SPTBN4: variants seen among roughly 807,000 people sequenced by gnomAD.
SPTBN4 encodes the protein spectrin beta chain, non-erythrocytic 4.
Under a neutral mutation model 277.8 loss-of-function variants are expected in SPTBN4, and 96 were observed. The ratio of observed to expected loss-of-function variants is 0.35; its 90% CI spans 0.29 to 0.41. The LOEUF (loss-of-function observed/expected upper bound fraction) is 0.41. SPTBN4 is among the 10% of genes least tolerant of loss of function. SPTBN4 has a pLI of 1.00. For synonymous variants in SPTBN4, 1,481 were observed against 1,580.3 expected (o/e 0.94, Z 1.49); for missense variants, 3,006 against 3,595.7 (o/e 0.84, Z 4.19).
At position 40,519,461 on chromosome 19, in the gene SPTBN4, G is replaced by A. The variant is rs138287742; in HGVS notation, c.2964G>A (p.Leu988=). ...QRKEEMSAVL[L]VENHVLEVAE... ...AAGAGGAAATGAGCGCGGTGCTGCT[G>A]GTGGAGAACCACGTGCTGGAGGTGG... is the stretch of plus-strand genomic sequence containing the variant. The change falls in exon 16 of 36, where the codon CTG becomes CTA. Residue 988 remains leucine, a synonymous_variant. Coordinates refer to ENST00000598249, the MANE Select transcript of SPTBN4 (RefSeq NM_020971.3). This position sits in a 1 kb window ranked among gnomAD's most constrained non-coding sequence, Gnocchi z 5.7. 436 of 1,607,366 alleles carry A rather than the reference G, an allele frequency of 2.7e-4. 1 individual carries two copies. The African/African-American group carries it at 4.7e-3, about 17-fold the overall frequency.
In SPTBN4 at chr19:40,506,368, C is replaced by T. The variant is rs148286750; in HGVS notation, c.1798C>T (p.Arg600Cys). 5.8e-5 allele frequency: 93 copies of T among 1,612,380 alleles called. No individual in the cohort carries two copies. The African/African-American group carries it at 7.3e-4, about 13-fold the overall frequency. Residue 600 changes from arginine to cysteine, a missense_variant, in exon 13 of 36, where the codon CGC becomes TGC. Physicochemically the swap from Arg to Cys is radical, Grantham distance 180. Transcript: ENST00000598249. Reference sequence around the variant, plus strand: ...GGAGGCTCTCAATGCCGCTGCCCTGCGCTTCTCCCAGCTGCAGGGTGAGTC... The same window carrying T: ...GGAGGCTCTCAATGCCGCTGCCCTGTGCTTCTCCCAGCTGCAGGGTGAGTC... ...RVEALNAAAL[R>C]FSQLQGYQPC...
intron 18 of SPTBN4, chr19:40,530,439 C>T (rs2080651822): frequency 2.1e-6 from 2 of 933,808 alleles, no homozygotes; most frequent in Non-Finnish European, 1.3e-6. Flanking sequence ...CGCACGCGGG[C>T]GGGCGCGCGG....
chr19:40,529,061 G>T lies in SPTBN4; in HGVS notation c.3878G>T (p.Arg1293Leu), dbSNP rs201825384. 6.2e-7 allele frequency: 1 copy of T among 1,614,010 alleles called. No individual in the cohort carries two copies. Among genetic ancestry groups the T allele is most frequent in the South Asian group, 1.1e-5 (1 of 91,076 alleles). ...CCCAGGAACCAAGAAAACCAGTTAC[G>T]GGCCCAGCAATGGATGCAAAAGCTA... The part of the protein sequence containing the change: ...LLEKNQENQL[R>L]AQQWMQKLHD... Residue 1293 changes from arginine (R) to leucine (L), a missense_variant, in exon 18 of 36, where the codon CGG (arginine) becomes CTG (leucine). Arg to Leu is a moderately radical substitution (Grantham distance 102, BLOSUM62 -2). Around this residue, in one of 5 missense-constraint regions of SPTBN4, gnomAD observed 1,759 missense variants for 2,061.5 expected, o/e 0.85. Coordinates refer to ENST00000598249, the MANE Select transcript of SPTBN4 (RefSeq NM_020971.3).
intron 20 of SPTBN4, among the ~76,000 whole-genome samples, chr19:40,540,497 C>A (rs1262788558): frequency 6.6e-6 from 1 of 151,954 alleles, no homozygotes; most frequent in Non-Finnish European, 1.5e-5. Context: ...CTGCCTTAGC[C>A]CCTCAAAGTG....
At chr19:40,517,776 C>T (rs1158021336) in intron 15 of SPTBN4, among the ~76,000 whole-genome samples, 1 of 152,146 alleles carries the variant, frequency 6.6e-6, no homozygotes, top group Non-Finnish European at 1.5e-5. Context: ...GTTACACACT[C>T]AATGAAGTGG....
At chr19:40,484,699 G>A (rs1006558088) in intron 2 of SPTBN4, among the ~76,000 whole-genome samples, 8 of 151,958 alleles carry the variant, frequency 5.3e-5, no homozygotes, top group Admixed American at 2.6e-4. Flanking sequence ...AGGCCAAGGG[G>A]GGTGGATCAC....
At position 40,523,445 on chromosome 19, in the gene SPTBN4, G is replaced by A. The variant is rs372289365; in HGVS notation, c.3663G>A (p.Ala1221=). 120 of 1,604,424 alleles carry A rather than the reference G, an allele frequency of 7.5e-5. 3 individuals are homozygous for A. In the East Asian group the frequency reaches 9.2e-4, roughly 12 times the overall value. Residue 1221 remains alanine (A), a synonymous_variant, in exon 17 of 36, where the codon GCG becomes GCA. Coordinates refer to ENST00000598249, the MANE Select transcript of SPTBN4 (RefSeq NM_020971.3). ...CGCTCCCTCCTCCCCAGGAGATGGC[G>A]CTGTCTGGTGCGGAGCTCCCGGGCA... The part of the protein sequence containing the change: ...ALVVLRNQEM[A]LSGAELPGTV...
In SPTBN4 at chr19:40,560,371, C is replaced by T. The variant is rs1382402782; in HGVS notation, c.5883C>T (p.Ile1961=). 5.6e-6 allele frequency: 9 copies of T among 1,613,888 alleles called. No homozygotes were observed. In the African/African-American group the frequency reaches 6.7e-5, roughly 12 times the overall value. ...ACCTGCTCTCCTGGATGGATGGCAT[C>T]GCCAGCCAGATTGGGGCAGCCGACA... ...VRDLLSWMDG[I]ASQIGAADKP... is the part of the protein sequence containing the mutation. The change falls in exon 27 of 36, where the codon ATC becomes ATT. Residue 1961 remains isoleucine (I), a synonymous_variant. Coordinates refer to ENST00000598249, the MANE Select transcript of SPTBN4 (RefSeq NM_020971.3). This position sits in a 1 kb window ranked among gnomAD's most constrained non-coding sequence, Gnocchi z 5.2.
chr19:40,490,311 A>G lies in SPTBN4; in HGVS notation c.495+63A>G. 1 of 1,530,316 alleles carries G rather than the reference A, an allele frequency of 6.5e-7. No homozygotes were observed. The highest frequency in any genetic ancestry group is 2.4e-5 in the East Asian group (1 of 42,424). 94.8% of individuals were successfully genotyped at this position (1,530,316 alleles called of 1,614,324 possible). ...GGGACTTAGGAAAGCGTTCCCCACC[A>G]TTTACCCATTCATTCTTTCCTTCCA... On this transcript the variant is annotated intron_variant, in intron 4 of 35. Transcript: ENST00000598249. This position sits in a 1 kb window ranked among gnomAD's most constrained non-coding sequence, Gnocchi z 4.3.
rs756331343 is a variant in SPTBN4 at position 40,502,213 on chromosome 19, C to T, written c.983C>T (p.Thr328Ile). 5.6e-6 allele frequency: 9 copies of T among 1,613,914 alleles called. No homozygotes were observed. The highest frequency in any genetic ancestry group is 7.6e-6 in the Non-Finnish European group (9 of 1,180,044). ...AAELLAWIHR[T>I]VGLISNQKFA... ...GAGCTGCTGGCCTGGATCCACCGCACCGTGGGCCTCATCAGCAATCAGAAA... is the reference window on the plus strand; with the variant it reads ...GAGCTGCTGGCCTGGATCCACCGCATCGTGGGCCTCATCAGCAATCAGAAA... Residue 328 changes from threonine (T) to isoleucine (I), a missense_variant, in exon 9 of 36, where the codon ACC becomes ATC. Around this residue, in one of 5 missense-constraint regions of SPTBN4, gnomAD observed 1,759 missense variants for 2,061.5 expected, o/e 0.85. Coordinates refer to ENST00000598249, the MANE Select transcript of SPTBN4 (RefSeq NM_020971.3). The surrounding 1 kb of genome is among the most constrained non-coding windows in gnomAD (Gnocchi z 4.9).
Position 40,513,174 on chromosome 19 carries a change from G to A in SPTBN4, c.2385G>A (p.Leu795=). 1 of 1,501,726 alleles carries A rather than the reference G, an allele frequency of 6.7e-7. No individual in the cohort carries two copies. Among genetic ancestry groups the A allele is most frequent in the Admixed American group, 2.1e-5 (1 of 47,036 alleles). The allele number at this position is 1,501,726 out of a possible 1,614,324, so 93.0% of individuals were successfully genotyped here. Residue 795 remains leucine (L), a synonymous_variant, in exon 14 of 36, where the codon CTG becomes CTA. Coordinates refer to ENST00000598249, the MANE Select transcript of SPTBN4 (RefSeq NM_020971.3). ...ACTGGCTTCGCGACGCTTACCGCCT[G>A]GCAGCCGCCGGTGACTTCGGCCACG... The part of the protein sequence containing the change: ...LLDWLRDAYR[L]AAAGDFGHDE...
intron 1 of SPTBN4, among the ~76,000 whole-genome samples, chr19:40,472,270 C>A (rs2079893569): frequency 1.3e-5 from 2 of 151,866 alleles, no homozygotes; most frequent in Non-Finnish European, 2.9e-5. Context: ...GTCTCGAACT[C>A]CTGGGCTCAA....
At chr19:40,537,577 G>A (rs1439584060) in intron 20 of SPTBN4, among the ~76,000 whole-genome samples, 2 of 152,182 alleles carry the variant, frequency 1.3e-5, no homozygotes, top group African/African-American at 2.4e-5. Context: ...AATGTGCTGG[G>A]CACTGTTAAC....
In SPTBN4 at chr19:40,491,713, C is replaced by CAAAAAAAAAAAAAA. The variant is rs35237688; in HGVS notation, c.496-1238_496-1225dup. 6.4e-4 allele frequency among the ~76,000 whole-genome samples: 25 copies of CAAAAAAAAAAAAAA among 38,800 alleles called. 4 individuals carry two copies. The highest frequency in any genetic ancestry group is 3.3e-3 in the African/African-American group (25 of 7,630). 25.5% of individuals were successfully genotyped at this position (38,800 alleles called of 152,430 possible). A position where few individuals can be genotyped will look rare whatever the true frequency, so the allele number is the denominator to read the frequency against. The stretch of plus-strand genomic sequence containing the variant: ...TGGGTAATAGATAGAGACTCTGTCT[C>CAAAAAAAAAAAAAA]AAAAAAAAAAAAAAAAAAAAAAAAA... On this transcript the variant is annotated intron_variant, in intron 4 of 35. Transcript: ENST00000598249.
In SPTBN4 at chr19:40,498,417, A is replaced by ATTTT. The variant is rs1250378962; in HGVS notation, c.784+817_784+820dup. Among the ~76,000 whole-genome samples, 85 of 145,944 alleles carry ATTTT rather than the reference A, an allele frequency of 5.8e-4. 1 individual carries two copies. Among genetic ancestry groups the ATTTT allele is most frequent in the Admixed American group, 1.7e-3 (25 of 14,674 alleles). On this transcript the variant is annotated intron_variant, in intron 7 of 35. Coordinates refer to ENST00000598249, the MANE Select transcript of SPTBN4 (RefSeq NM_020971.3). Reference sequence around the variant, plus strand: ...TATTTATTTATTTATTTATTTATTTATTTTTTTAGATGGAGTCTCACTCTG... The same window carrying ATTTT: ...TATTTATTTATTTATTTATTTATTTATTTTTTTTTTTAGATGGAGTCTCACTCTG...
At position 40,566,079 on chromosome 19, in the gene SPTBN4, G is replaced by A. The variant is rs376460341; in HGVS notation, c.6140-84G>A. On this transcript the variant is annotated intron_variant, in intron 29 of 35. Transcript: ENST00000598249. The stretch of plus-strand genomic sequence containing the variant: ...GGCTCGGGTATGGAAAGCCGGAGGG[G>A]TGTGGAAGGCCAGGGGAACAGCCAT... 2,518 of 1,371,614 alleles carry A rather than the reference G, an allele frequency of 1.8e-3. 7 individuals are homozygous for A. Among genetic ancestry groups the A allele is most frequent in the Middle Eastern group, 4.0e-3 (15 of 3,742 alleles). 85.0% of individuals were successfully genotyped at this position (1,371,614 alleles called of 1,614,324 possible).
intron 6 of SPTBN4, among the ~76,000 whole-genome samples, chr19:40,496,136 G>T (rs1224250671): frequency 6.6e-6 from 1 of 152,056 alleles, no homozygotes; most frequent in Non-Finnish European, 1.5e-5. Context: ...CCACCTATGG[G>T]CAGGTGCTAT....
At chr19:40,535,023 G>T (rs992071143) in intron 20 of SPTBN4, among the ~76,000 whole-genome samples, 9 of 152,108 alleles carry the variant, frequency 5.9e-5, no homozygotes, top group Non-Finnish European at 1.3e-4. Flanking sequence ...TCCTGCCTTT[G>T]ATTTTCTTTT....
chr19:40,476,262 C>G (rs1354965988), intron 2 of SPTBN4, among the ~76,000 whole-genome samples: 1 of 150,890 alleles, frequency 6.6e-6, no homozygotes, highest in Non-Finnish European at 1.5e-5. Context: ...GGAGAATCGC[C>G]TGAACCTCAG....
Sources: gnomAD v4.1 joint callset for allele counts (sites outside exome capture counted in the v4.1 genomes callset) on GRCh38, gnomAD v4.1.1 for gene constraint, gnomAD v4.1.1 regional missense constraint, Gnocchi (gnomAD v3.1) non-coding constraint, MANE v1.5 for transcripts, NCBI Gene and HGNC (gene_info 2026-07-23, HGNC 2026-07-21) for gene names.